The following ASAP1 variants were observed in gnomAD, a reference collection of about 807,000 sequenced individuals.
The protein encoded by ASAP1 is ArfGAP with SH3 domain, ankyrin repeat and PH domain 1.
Under a neutral mutation model 145.2 loss-of-function variants are expected in ASAP1, and 43 were observed. The ratio of observed to expected loss-of-function variants is 0.30; its 90% confidence interval spans 0.23 to 0.38. The LOEUF (loss-of-function observed/expected upper bound fraction) is 0.38, where lower values mean the gene tolerates loss of function less well. ASAP1 is among the 10% of genes least tolerant of loss of function. ASAP1 has a pLI of 1.00. For missense variants in ASAP1, 1,018 were observed against 1,355.3 expected, an observed-to-expected ratio of 0.75 and a Z score of 3.91; for synonymous variants, 546 against 515.5, an observed-to-expected ratio of 1.06 and a Z score of -0.80.
Position 130,168,986 on chromosome 8 carries a change from A to T in ASAP1, c.822+6T>A. 6.6e-7 allele frequency: 1 copy of T among 1,522,150 alleles called. No homozygotes were observed. Among genetic ancestry groups the T allele is most frequent in the Non-Finnish European group, 8.9e-7 (1 of 1,122,166 alleles). 94.3% of individuals were successfully genotyped at this position (1,522,150 alleles called of 1,614,324 possible). A position where few individuals can be genotyped will look rare whatever the true frequency, so the allele number is the denominator to read the frequency against. On this transcript the variant is annotated splice_donor_region_variant and intron_variant, in intron 10 of 29. Coordinates refer to ENST00000518721, the MANE Select transcript of ASAP1 (RefSeq NM_018482.4). ...TTAAACTGCATGTATTTTATAAAGA[A>T]CTTACATTATATAAATCAGCAGCCA...
intron 2 of ASAP1, among the ~76,000 whole-genome samples, chr8:130,393,627 A>C (rs1453596206): frequency 6.6e-6 from 1 of 152,132 alleles, no homozygotes; most frequent in Non-Finnish European, 1.5e-5. Context: ...ATGGTGGCAC[A>C]CACCTGTAAT....
At chr8:130,275,809 T>A (rs1054690070) in intron 3 of ASAP1, among the ~76,000 whole-genome samples, 26 of 152,310 alleles carry the variant, frequency 1.7e-4, no homozygotes, top group African/African-American at 6.3e-4. Context: ...TTATTTTGCT[T>A]TTTTGTTGTA....
chr8:130,276,718 A>ACTCTCTCTCTCT (rs1820909354), intron 3 of ASAP1, among the ~76,000 whole-genome samples: 5 of 126,132 alleles, frequency 4.0e-5, no homozygotes, highest in African/African-American at 1.5e-4. Context: ...ACACACACAC[A>ACTCTCTCTCTCT]CACACACACA....
chr8:130,240,181 C>T (rs1237145832), intron 3 of ASAP1, among the ~76,000 whole-genome samples: 1 of 152,090 alleles, frequency 6.6e-6, no homozygotes. Context: ...CTCAGAATTT[C>T]TGTTCAATGT....
intron 3 of ASAP1, among the ~76,000 whole-genome samples, chr8:130,278,346 G>A (rs534724509): frequency 1.3e-5 from 2 of 151,984 alleles, no homozygotes; most frequent in Admixed American, 6.6e-5. Context: ...AAAAGGGTGT[G>A]GCAGGTTAAG....
chr8:130,390,739 A>G (rs533968961), intron 2 of ASAP1, among the ~76,000 whole-genome samples: 1 of 152,342 alleles, frequency 6.6e-6, no homozygotes, highest in East Asian at 1.9e-4. Flanking sequence ...ATTCATACCT[A>G]CTAGGATGGC....
chr8:130,156,476 T>C (rs2097658387), intron 12 of ASAP1, among the ~76,000 whole-genome samples: 2 of 152,346 alleles, frequency 1.3e-5, no homozygotes, highest in Admixed American at 6.5e-5. Context: ...ATTTATGTTT[T>C]ACCTCCAGCA....
At chr8:130,327,540 C>G (rs1458290304) in intron 3 of ASAP1, among the ~76,000 whole-genome samples, 1 of 152,212 alleles carries the variant, frequency 6.6e-6, no homozygotes, top group East Asian at 1.9e-4. Context: ...TTAAGACTCT[C>G]AGGTGACTCT....
chr8:130,248,682 C>T (rs1288977385), intron 3 of ASAP1, among the ~76,000 whole-genome samples: 4 of 152,122 alleles, frequency 2.6e-5, no homozygotes, highest in African/African-American at 9.7e-5. Context: ...AGGAGACAAG[C>T]TGGGTATTAC....
intron 27 of ASAP1, among the ~76,000 whole-genome samples, chr8:130,061,388 T>C (rs918410874): frequency 9.2e-5 from 14 of 152,356 alleles, no homozygotes; most frequent in African/African-American, 1.9e-4. Flanking sequence ...CACCTAAATG[T>C]AGCCATTTAA....
intron 25 of ASAP1, among the ~76,000 whole-genome samples, chr8:130,081,819 C>T (rs75155444): frequency 0.02 from 3,046 of 152,272 alleles, 47 homozygotes; most frequent in East Asian, 0.053. Context: ...TCAAGACGCC[C>T]TGATAGTAAC....
In ASAP1 at chr8:130,222,769, T is replaced by C. The variant is rs1817367830; in HGVS notation, c.260-8068A>G. Among the ~76,000 whole-genome samples, 3 of 152,260 alleles carry C rather than the reference T, an allele frequency of 2.0e-5. No homozygotes were observed. In the South Asian group the frequency reaches 6.2e-4, roughly 32 times the overall value. ...ATTTCTCCTGCATTATCTCGTTCAG[T>C]GTTCACAATTTAGAAACTGGTTTAG... is the stretch of plus-strand genomic sequence containing the variant. On this transcript the variant is annotated intron_variant, in intron 4 of 29. Coordinates refer to ENST00000518721, the MANE Select transcript of ASAP1 (RefSeq NM_018482.4).
intron 3 of ASAP1, among the ~76,000 whole-genome samples, chr8:130,330,539 T>A (rs1748639237): frequency 6.6e-6 from 1 of 152,226 alleles, no homozygotes; most frequent in South Asian, 2.1e-4. Flanking sequence ...CTTCCCTCAG[T>A]CATCTACCAA....
chr8:130,383,942 C>A (rs1219966521), intron 2 of ASAP1, among the ~76,000 whole-genome samples: 1 of 152,230 alleles, frequency 6.6e-6, no homozygotes, highest in African/African-American at 2.4e-5. Context: ...GGACCCAGGT[C>A]TCCTGGCTCC....
intron 1 of ASAP1, among the ~76,000 whole-genome samples, chr8:130,408,792 A>G (rs1316832023): frequency 6.6e-6 from 1 of 152,232 alleles, no homozygotes; most frequent in Non-Finnish European, 1.5e-5. Flanking sequence ...CCAAAGTTAC[A>G]TAACATTTCC....
At chr8:130,366,886 C>CTT (rs905755447) in intron 2 of ASAP1, among the ~76,000 whole-genome samples, 1,413 of 99,172 alleles carry the variant, frequency 0.014, 75 homozygotes, top group African/African-American at 0.029. Context: ...TGCTAGATTC[C>CTT]TTTTTTTTTT....
chr8:130,325,710 A>AAATGC (rs1586833948), intron 3 of ASAP1, among the ~76,000 whole-genome samples: 1 of 152,358 alleles, frequency 6.6e-6, no homozygotes, highest in Admixed American at 6.5e-5. Flanking sequence ...CCACATGCTG[A>AAATGC]AATGCCAAGT....
intron 4 of ASAP1, among the ~76,000 whole-genome samples, chr8:130,229,116 A>G (rs892432911): frequency 6.6e-6 from 1 of 152,200 alleles, no homozygotes; most frequent in Admixed American, 6.5e-5. Flanking sequence ...ATTATCAATG[A>G]AAACCAGTTC....
intron 3 of ASAP1, among the ~76,000 whole-genome samples, chr8:130,270,787 A>G (rs945760372): frequency 2.0e-5 from 3 of 152,228 alleles, no homozygotes; most frequent in African/African-American, 7.2e-5. Context: ...AGAGTTACAG[A>G]TTTTAGTCCA....
Sources: allele counts gnomAD v4.1 joint callset (sites outside exome capture counted in the v4.1 genomes callset), GRCh38; gene constraint gnomAD v4.1.1; transcripts MANE v1.5; gene names NCBI Gene and HGNC (gene_info 2026-07-23, HGNC 2026-07-21).